Variants in DIAPH1 observed in about 807,000 individuals in gnomAD.
DIAPH1 encodes diaphanous related formin 1, also known as protein diaphanous homolog 1.
A neutral mutation model predicts 140.7 loss-of-function variants in DIAPH1; 46 were observed. That is an observed-to-expected ratio of 0.33 (90% confidence interval 0.26 to 0.42). The LOEUF is 0.42. Ranked by LOEUF, DIAPH1 falls within the 10% of genes least tolerant of loss-of-function variation. The probability of loss-of-function intolerance (pLI) is 1.00; values close to 1 mark genes in which losing one functional copy is unlikely to be tolerated. For missense variants in DIAPH1, 1,310 were observed against 1,558.7 expected (o/e 0.84, Z 2.69); for synonymous variants, 565 against 551.6 (o/e 1.02, Z -0.34).
At chr5:141,543,606 C>A (rs1001770220) in intron 18 of DIAPH1, among the ~76,000 whole-genome samples, 1 of 152,120 alleles carries the variant, frequency 6.6e-6, no homozygotes, top group African/African-American at 2.4e-5. Flanking sequence ...ACTGGCTTTG[C>A]GTTACATTAT....
chr5:141,563,172 G>C (rs1032592660), intron 18 of DIAPH1: 1 of 152,146 alleles, frequency 6.6e-6, no homozygotes, highest in South Asian at 2.1e-4. Flanking sequence ...TCTCTAAGTG[G>C]TTCCGAGCTA....
rs1372320797 is a variant in DIAPH1, at chr5:141,580,832, T to C, written c.736A>G (p.Arg246Gly). The change falls in exon 8 of 28, where the codon AGA (arginine) becomes GGA (glycine). Residue 246 changes from arginine to glycine, a missense_variant. By Grantham distance (125) the Arg-to-Gly change is moderately radical (BLOSUM62 -2). Transcript: ENST00000389054. ...ETEEGILLLV[R>G]AMDPAVPNMM... ...TTGGGAACAGCAGGATCCATGGCTC[T>C]GACCAGCAGTAGGATTCCTTCTTCT... 27 of 1,614,108 alleles carry C rather than the reference T, an allele frequency of 1.7e-5. No individual in the cohort carries two copies. The highest frequency in any genetic ancestry group is 2.3e-5 in the Non-Finnish European group (27 of 1,180,038).
intron 27 of DIAPH1, among the ~76,000 whole-genome samples, chr5:141,518,464 A>G (rs958973925): frequency 6.6e-6 from 1 of 152,040 alleles, no homozygotes; most frequent in African/African-American, 2.4e-5. Flanking sequence ...ACTGGAATGA[A>G]GCGCCTTTTT....
In DIAPH1 at chr5:141,536,159, G is replaced by A. The variant is rs75740383; in HGVS notation, c.2483-1726C>T. ...TATAAAAAAAGTTCAAAAATTAGCC[G>A]GGCATGGTGGCGCGCACCTGTAGTC... On this transcript the variant is annotated intron_variant, in intron 18 of 27. Coordinates refer to ENST00000389054, the MANE Select transcript of DIAPH1 (RefSeq NM_005219.5). The A allele has an allele frequency of 4.3e-3, 1,602 of 369,524 alleles. 8 individuals are homozygous for A. Among genetic ancestry groups the A allele is most frequent in the South Asian group, 6.1e-3 (284 of 46,466 alleles). The allele number at this position is 369,524 out of a possible 1,614,324, so 22.9% of individuals were successfully genotyped here. A position where few individuals can be genotyped will look rare whatever the true frequency, so the allele number is the denominator to read the frequency against.
At position 141,568,449 on chromosome 5, in the gene DIAPH1, C is replaced by A. The variant is rs148423011; in HGVS notation, c.2482+2979G>T. The stretch of plus-strand genomic sequence containing the variant: ...CTATCAAAAGTAAATTCAAAATATT[C>A]TCTGGCAGGGAATAAGTTAACTGAG... On this transcript the variant is annotated intron_variant, in intron 18 of 27. Transcript: ENST00000389054. Among the ~76,000 whole-genome samples, 1,153 of 152,234 alleles carry A rather than the reference C, an allele frequency of 7.6e-3. 19 individuals are homozygous for A. The highest frequency in any genetic ancestry group is 0.026 in the African/African-American group (1,095 of 41,516).
intron 19 of DIAPH1, 33 bp downstream of exon 19, chr5:141,534,302 C>A (rs752561990): frequency 1.3e-6 from 2 of 1,503,986 alleles, no homozygotes; most frequent in Non-Finnish European, 1.9e-6. Flanking sequence ...AATTCCTTCA[C>A]ATTTTGAATA....
At chr5:141,559,368 T>C (rs1330204547) in intron 18 of DIAPH1, among the ~76,000 whole-genome samples, 4 of 152,172 alleles carry the variant, frequency 2.6e-5, no homozygotes, top group African/African-American at 9.7e-5. Context: ...ACTGATACCT[T>C]GGCCAAAATA....
At chr5:141,531,765 G>A (rs1351988422) in intron 19 of DIAPH1, among the ~76,000 whole-genome samples, 1 of 152,146 alleles carries the variant, frequency 6.6e-6, no homozygotes, top group Non-Finnish European at 1.5e-5. Context: ...TGGGATTACA[G>A]CCATGAGCCA....
At chr5:141,531,494 T>C (rs1279125426) in intron 19 of DIAPH1, among the ~76,000 whole-genome samples, 1 of 151,928 alleles carries the variant, frequency 6.6e-6, no homozygotes, top group Non-Finnish European at 1.5e-5. Context: ...TTATTTTAAT[T>C]TATTTATTGC....
chr5:141,568,761 TAAGG>T (rs1174946314), intron 18 of DIAPH1, among the ~76,000 whole-genome samples: 1 of 152,104 alleles, frequency 6.6e-6, no homozygotes, highest in Non-Finnish European at 1.5e-5. Flanking sequence ...CAATAAAACA[TAAGG>T]GGGATACAGG....
In DIAPH1 at chr5:141,576,307, A is replaced by G. The variant is rs1347799875; in HGVS notation, c.1397-13T>C. 1 of 1,604,028 alleles carries G rather than the reference A, an allele frequency of 6.2e-7. No individual in the cohort carries two copies. Among genetic ancestry groups the G allele is most frequent in the Admixed American group, 1.7e-5 (1 of 60,014 alleles). On this transcript the variant is annotated splice_polypyrimidine_tract_variant and intron_variant, in intron 13 of 27. Coordinates refer to ENST00000389054, the MANE Select transcript of DIAPH1 (RefSeq NM_005219.5). ...TCAATCATTTGATCTGAAAAGAAGA[A>G]GAGTCAGTAAGTAAAGCTCCTAATT...
At position 141,515,893 on chromosome 5, in the gene DIAPH1, G is replaced by C. The variant is rs567352922; in HGVS notation, c.*958C>G. On this transcript the variant is annotated 3_prime_UTR_variant, in exon 28 of 28. Transcript: ENST00000389054. ...TTCTTACATTATGGAGGGGAAAGGG[G>C]GAAGGAACAGTTTTCTTTAAAAAAA... The C allele has an allele frequency of 2.0e-5, 3 of 152,578 alleles. No homozygotes were observed. Among genetic ancestry groups the C allele is most frequent in the Non-Finnish European group, 4.4e-5 (3 of 68,136 alleles). The allele number at this position is 152,578 out of a possible 1,614,324, so 9.5% of individuals were successfully genotyped here. A position where few individuals can be genotyped will look rare whatever the true frequency, so the allele number is the denominator to read the frequency against.
intron 19 of DIAPH1, 27 bp from the exon 20 acceptor site, chr5:141,529,724 T>A (rs746521625): frequency 8.2e-6 from 13 of 1,593,974 alleles, no homozygotes; most frequent in Non-Finnish European, 1.0e-5. Context: ...TATTAAGACA[T>A]GTTCTTCTCG....
intron 18 of DIAPH1, chr5:141,563,950 C>A (rs1269832180): frequency 6.6e-6 from 1 of 152,106 alleles, no homozygotes; most frequent in African/African-American, 2.4e-5. Context: ...TGGGTAGGTT[C>A]TATTATGCGC....
rs75909137 is a variant in DIAPH1 at position 141,574,726 on chromosome 5, G to C, written c.1641+241C>G. 0.011 allele frequency among the ~76,000 whole-genome samples: 1,604 copies of C among 152,012 alleles called. 40 individuals carry two copies. The highest frequency in any genetic ancestry group is 0.037 in the African/African-American group (1,534 of 41,414). ...GGAGACTTATTACTTTTATTTCTGG[G>C]TGGTAATGAAACTTACTTTATTCTT... On this transcript the variant is annotated intron_variant, in intron 15 of 27. Coordinates refer to ENST00000389054, the MANE Select transcript of DIAPH1 (RefSeq NM_005219.5).
intron 1 of DIAPH1, among the ~76,000 whole-genome samples, chr5:141,592,801 T>C (rs555001178): frequency 1.5e-4 from 23 of 152,202 alleles, no homozygotes; most frequent in Admixed American, 9.2e-4. Flanking sequence ...ATATAGATAC[T>C]GAAGGAAGCA....
rs770912928 is a variant in DIAPH1, at chr5:141,577,550, T to G, written c.1205A>C (p.Lys402Thr). 6.8e-6 allele frequency: 11 copies of G among 1,613,886 alleles called. No homozygotes were observed. The highest frequency in any genetic ancestry group is 9.3e-6 in the Non-Finnish European group (11 of 1,179,744). ...EVFQILLNTV[K>T]DSKAEPHFLS... ...GAAGTGTGGCTCTGCCTTTGAATCC[T>G]TCACTGTGTTTAAGAGAATCTGAAA... The change falls in exon 12 of 28, where the codon AAG (lysine) becomes ACG (threonine). Residue 402 changes from lysine to threonine, a missense_variant. By Grantham distance (78) the Lys-to-Thr change is moderately conservative. Transcript: ENST00000389054.
intron 19 of DIAPH1, among the ~76,000 whole-genome samples, chr5:141,533,667 C>T (rs1380549135): frequency 3.9e-5 from 6 of 152,016 alleles, no homozygotes; most frequent in East Asian, 3.9e-4. Flanking sequence ...GGCAACATAG[C>T]GAGACCCCTT....
chr5:141,593,429 A>G (rs889386945), intron 1 of DIAPH1, among the ~76,000 whole-genome samples: 6 of 152,332 alleles, frequency 3.9e-5, no homozygotes, highest in Admixed American at 2.0e-4. Flanking sequence ...TGAGACACTC[A>G]GCACTTTTCC....
Sources: allele counts gnomAD v4.1 joint callset (sites outside exome capture counted in the v4.1 genomes callset), GRCh38; gene constraint gnomAD v4.1.1; transcripts MANE v1.5; gene names NCBI Gene and HGNC (gene_info 2026-07-23, HGNC 2026-07-21).